PYGB: variants seen among roughly 807,000 people sequenced by gnomAD.
PYGB encodes the protein glycogen phosphorylase B, also known as glycogen phosphorylase, brain form.
A neutral mutation model predicts 94.3 loss-of-function variants in PYGB; 82 were observed. The observed-to-expected ratio is 0.87, with a 90% CI of 0.73 to 1.04. The LOEUF (loss-of-function observed/expected upper bound fraction) is 1.04. Ranked by LOEUF, PYGB falls within the 50% of genes least tolerant of loss-of-function variation. The probability of loss-of-function intolerance (pLI) is 0.00; values close to 1 mark genes in which losing one functional copy is unlikely to be tolerated. For synonymous variants in PYGB, 488 were observed against 479.1 expected, an observed-to-expected ratio of 1.02 and a Z score of -0.24; for missense variants, 1,132 against 1,158.2, an observed-to-expected ratio of 0.98 and a Z score of 0.33.
intron 18 of PYGB, 22 bp from the exon 19 acceptor site, chr20:25,295,582 A>T (rs758477456): frequency 1.2e-6 from 2 of 1,611,260 alleles, no homozygotes; most frequent in South Asian, 2.2e-5. Flanking sequence ...GCCCTGGCCC[A>T]GCCTCCTTTC....
intron 11 of PYGB, 117 bp downstream of exon 11, chr20:25,281,229 C>T (rs2088364543): frequency 9.7e-6 from 13 of 1,339,898 alleles, no homozygotes; most frequent in Non-Finnish European, 1.3e-5. Flanking sequence ...TGCCACTAGG[C>T]CCCTGCCTCC....
At position 25,274,769 on chromosome 20, in the gene PYGB, G is replaced by C. The variant is rs201593305; in HGVS notation, c.660+46G>C. 6.9e-6 allele frequency: 11 copies of C among 1,594,554 alleles called. No individual in the cohort carries two copies. The South Asian group carries it at 1.2e-4, about 18-fold the overall frequency. On this transcript the variant is annotated intron_variant, in intron 5 of 19. Coordinates refer to ENST00000216962, the MANE Select transcript of PYGB (RefSeq NM_002862.4). ...GCGGGCAAGGCTGGAGCCAGGTGAG[G>C]GGGCTGCTGCGGCTCATTTGTAGAC...
chr20:25,269,244 C>T (rs767492598), intron 3 of PYGB, 37 bp downstream of exon 3: 25 of 1,508,180 alleles, frequency 1.7e-5, no homozygotes, highest in South Asian at 8.1e-5. Flanking sequence ...CTCTCGGACC[C>T]GTTGGCTTGG....
intron 4 of PYGB, among the ~76,000 whole-genome samples, chr20:25,273,390 G>A (rs1029306134): frequency 6.6e-6 from 1 of 152,188 alleles, no homozygotes; most frequent in Non-Finnish European, 1.5e-5. Context: ...GGGGCCTCCG[G>A]AAGAGCACAG....
At chr20:25,282,406 A>G (rs1050510970) in intron 12 of PYGB, among the ~76,000 whole-genome samples, 1 of 152,242 alleles carries the variant, frequency 6.6e-6, no homozygotes, top group African/African-American at 2.4e-5. Flanking sequence ...GAGTGCAGCC[A>G]CGGGGCCACT....
rs144410414 is a variant in PYGB, at chr20:25,256,531, G to C, written c.244-2706G>C. ...AAACAAAAACAAAAACAAAAAACAG[G>C]CTGGCTTTAGGCTACTTAACACTTG... On this transcript the variant is annotated intron_variant, in intron 1 of 19. Coordinates refer to ENST00000216962, the MANE Select transcript of PYGB (RefSeq NM_002862.4). Among the ~76,000 whole-genome samples the C allele has an allele frequency of 3.1e-3, 471 of 152,152 alleles. 1 individual carries two copies. Among genetic ancestry groups the C allele is most frequent in the Non-Finnish European group, 5.4e-3 (368 of 67,996 alleles).
Position 25,290,530 on chromosome 20 carries a change from C to T in PYGB, c.1877C>T (p.Ser626Phe), listed in dbSNP as rs1274192473. 3 of 1,611,800 alleles carry T rather than the reference C, an allele frequency of 1.9e-6. No homozygotes were observed. The highest frequency in any genetic ancestry group is 2.5e-6 in the Non-Finnish European group (3 of 1,177,962). The change falls in exon 16 of 20, where the codon TCC becomes TTC. Residue 626 changes from serine (S) to phenylalanine (F), a missense_variant. Ser to Phe is a radical substitution (Grantham distance 155). Coordinates refer to ENST00000216962, the MANE Select transcript of PYGB (RefSeq NM_002862.4). The part of the protein sequence containing the change: ...MAKLIIKLVT[S>F]IGDVVNHDPV... The stretch of plus-strand genomic sequence containing the variant: ...AAGCTGATCATCAAGTTGGTCACCT[C>T]CATCGGCGACGTCGTCAATCATGAC...
intron 17 of PYGB, 49 bp from the exon 18 acceptor site, chr20:25,294,109 T>G (rs1600745279): frequency 1.3e-6 from 2 of 1,597,194 alleles, no homozygotes; most frequent in Non-Finnish European, 1.7e-6. Flanking sequence ...TTCTCCAAGG[T>G]GGCCCACCTG....
At chr20:25,262,451 C>CTGCT (rs900685196) in intron 2 of PYGB, among the ~76,000 whole-genome samples, 1 of 152,190 alleles carries the variant, frequency 6.6e-6, no homozygotes, top group Non-Finnish European at 1.5e-5. Flanking sequence ...ACCACCAGGC[C>CTGCT]TGCTCTAAAA....
chr20:25,257,024 C>T (rs56238265), intron 1 of PYGB, among the ~76,000 whole-genome samples: 6,377 of 152,256 alleles, frequency 0.042, 212 homozygotes, highest in Non-Finnish European at 0.058. Context: ...GAGTGACTTG[C>T]CCAGGTCACC....
chr20:25,250,790 T>C (rs1389140436), intron 1 of PYGB, among the ~76,000 whole-genome samples: 1 of 152,200 alleles, frequency 6.6e-6, no homozygotes, highest in Non-Finnish European at 1.5e-5. Context: ...TTTATTGTTA[T>C]TTTTGTCTTT....
In PYGB at chr20:25,250,651, A is replaced by G. The variant is rs1364794869; in HGVS notation, c.243+2230A>G. On this transcript the variant is annotated intron_variant, in intron 1 of 19. Transcript: ENST00000216962. ...CCAGCAACCAGTCCCACCAGAGCCA[A>G]TGAGAGGAGGTGTGCTCCCAAGAAA... Among the ~76,000 whole-genome samples, 7 of 152,176 alleles carry G rather than the reference A, an allele frequency of 4.6e-5. No individual in the cohort carries two copies. In the South Asian group the frequency reaches 6.2e-4, roughly 14 times the overall value.
intron 1 of PYGB, among the ~76,000 whole-genome samples, chr20:25,250,238 G>A (rs900096833): frequency 4.6e-5 from 7 of 151,016 alleles, no homozygotes; most frequent in Admixed American, 1.3e-4. Flanking sequence ...GCTGGACCAG[G>A]ACTCAGCTCT....
At chr20:25,270,211 T>G (rs538071928) in intron 3 of PYGB, among the ~76,000 whole-genome samples, 98 of 149,524 alleles carry the variant, frequency 6.6e-4, no homozygotes, top group Non-Finnish European at 9.8e-4. Flanking sequence ...GTTTTGTTTT[T>G]TTTTTTTTTG....
At chr20:25,281,440 G>GCAGGGCTTGGA (rs1360826249) in intron 11 of PYGB, among the ~76,000 whole-genome samples, 2 of 152,236 alleles carry the variant, frequency 1.3e-5, no homozygotes, top group African/African-American at 4.8e-5. Flanking sequence ...CCTGCCGCTG[G>GCAGGGCTTGGA]CAGGGCTTGG....
chr20:25,249,063 T>C (rs1238116337), intron 1 of PYGB, among the ~76,000 whole-genome samples: 1 of 152,230 alleles, frequency 6.6e-6, no homozygotes, highest in Admixed American at 6.5e-5. Flanking sequence ...ACAGAGATCA[T>C]CTTACTAATT....
intron 1 of PYGB, among the ~76,000 whole-genome samples, chr20:25,253,278 T>A (rs528098666): frequency 3.2e-4 from 49 of 152,286 alleles, no homozygotes; most frequent in Admixed American, 3.1e-3. Flanking sequence ...GCCAATTTCT[T>A]AAATCTGTCT....
At chr20:25,293,938 GGGATTGGCTT>G in intron 17 of PYGB, 39 of 586,782 alleles carry the variant, frequency 6.6e-5, no homozygotes, top group South Asian at 1.4e-4. Flanking sequence ...AGGAGCAGGT[GGGATTGGCTT>G]TAGACTGACT....
Position 25,248,151 on chromosome 20 carries a change from T to A in PYGB, c.-28T>A. On this transcript the variant is annotated 5_prime_UTR_variant, in exon 1 of 20. Coordinates refer to ENST00000216962, the MANE Select transcript of PYGB (RefSeq NM_002862.4). ...CGTGTGCCGCCGCTTTCCTCCTCCATCTCTTTTCCTCCGCCTCCGCCGGCG... is the reference window on the plus strand; with the variant it reads ...CGTGTGCCGCCGCTTTCCTCCTCCAACTCTTTTCCTCCGCCTCCGCCGGCG... The A allele has an allele frequency of 6.4e-7, 1 of 1,567,886 alleles. No individual in the cohort carries two copies. Among genetic ancestry groups the A allele is most frequent in the Non-Finnish European group, 8.6e-7 (1 of 1,158,138 alleles).
Sources: gnomAD v4.1 joint callset for allele counts (sites outside exome capture counted in the v4.1 genomes callset) on GRCh38, gnomAD v4.1.1 for gene constraint, MANE v1.5 for transcripts, NCBI Gene and HGNC (gene_info 2026-07-23, HGNC 2026-07-21) for gene names.